The following CLASP1 variants were observed in gnomAD, a reference collection of about 807,000 sequenced individuals.
The protein encoded by CLASP1 is cytoplasmic linker associated protein 1, also known as CLIP-associating protein 1.
A neutral mutation model predicts 192.3 loss-of-function variants in CLASP1; 38 were observed. The ratio of observed to expected loss-of-function variants is 0.20; its 90% CI spans 0.15 to 0.26. The LOEUF (loss-of-function observed/expected upper bound fraction) is 0.26, where lower values mean the gene tolerates loss of function less well. Among genes scored for constraint, CLASP1 ranks in the 10% least tolerant of loss-of-function variants. The probability of loss-of-function intolerance (pLI) is 1.00; values close to 1 mark genes in which losing one functional copy is unlikely to be tolerated. For missense variants in CLASP1, 1,433 were observed against 1,932.5 expected (o/e 0.74, Z 4.85); for synonymous variants, 691 against 712.8 (o/e 0.97, Z 0.49).
chr2:121,540,522 T>C (rs1052637151), intron 2 of CLASP1, among the ~76,000 whole-genome samples: 2 of 151,912 alleles, frequency 1.3e-5, no homozygotes, highest in East Asian at 1.9e-4. Context: ...GGCATGGTGG[T>C]TCACACCTGT....
In CLASP1 at chr2:121,375,325, A is replaced by G. The variant is rs572261794; in HGVS notation, c.3642+2174T>C. ...ATACAACCTGTGGAACTGTGAGTCA[A>G]CTAAACCTCTTTTCTTATAAATTAC... On this transcript the variant is annotated intron_variant, in intron 34 of 39. Coordinates refer to ENST00000263710, the Ensembl canonical transcript of CLASP1. 1.8e-4 allele frequency among the ~76,000 whole-genome samples: 27 copies of G among 151,428 alleles called. 1 individual carries two copies. Among genetic ancestry groups the G allele is most frequent in the African/African-American group, 6.3e-4 (26 of 41,198 alleles).
intron 1 of CLASP1, among the ~76,000 whole-genome samples, chr2:121,619,673 T>C (rs892442006): frequency 9.2e-5 from 14 of 152,224 alleles, no homozygotes; most frequent in African/African-American, 3.1e-4. Context: ...ATAAAGTAAA[T>C]TTTAAAAATC....
At position 121,588,374 on chromosome 2, in the gene CLASP1, A is replaced by G. The variant is rs78176542; in HGVS notation, c.195+17327T>C. ...ACATTTATACAGAAAAAATGGCAAC[A>G]TGCCCATAAAAATACTAGTATTTTG... On this transcript the variant is annotated intron_variant, in intron 2 of 39. Coordinates refer to ENST00000263710, the Ensembl canonical transcript of CLASP1. 5.9e-3 allele frequency among the ~76,000 whole-genome samples: 901 copies of G among 152,296 alleles called. 2 individuals carry two copies. Among genetic ancestry groups the G allele is most frequent in the South Asian group, 0.015 (72 of 4,830 alleles).
At chr2:121,619,803 TA>T (rs2067029203) in intron 1 of CLASP1, among the ~76,000 whole-genome samples, 1 of 152,252 alleles carries the variant, frequency 6.6e-6, no homozygotes, top group Non-Finnish European at 1.5e-5. Context: ...AAATTGCTTC[TA>T]TTTTTTTCTA....
At chr2:121,358,907 A>G (rs960764781) in intron 37 of CLASP1, among the ~76,000 whole-genome samples, 3 of 152,244 alleles carry the variant, frequency 2.0e-5, no homozygotes, top group East Asian at 1.9e-4. Context: ...AATGATGCTA[A>G]TATTTTCCTC....
chr2:121,647,223 C>T (rs542741744), intron 1 of CLASP1, among the ~76,000 whole-genome samples: 2 of 152,024 alleles, frequency 1.3e-5, no homozygotes, highest in South Asian at 4.2e-4. Context: ...CAAAAATTAG[C>T]TGGGCATGGT....
chr2:121,521,517 A>G (rs754686882), intron 6 of CLASP1, among the ~76,000 whole-genome samples: 1 of 152,112 alleles, frequency 6.6e-6, no homozygotes. Context: ...GAAACTTCCT[A>G]CGTCATGCAG....
At chr2:121,631,737 C>A (rs1168741767) in intron 1 of CLASP1, among the ~76,000 whole-genome samples, 3 of 151,562 alleles carry the variant, frequency 2.0e-5, no homozygotes, top group Admixed American at 1.3e-4. Context: ...ATAGTGAGAC[C>A]CCATCTCTAC....
At chr2:121,361,814 G>A (rs993353209) in intron 37 of CLASP1, among the ~76,000 whole-genome samples, 11 of 152,204 alleles carry the variant, frequency 7.2e-5, no homozygotes, top group African/African-American at 2.7e-4. Context: ...TTGTTCAAAT[G>A]TGAGTTATTA....
At chr2:121,499,167 A>G (rs932799013) in intron 8 of CLASP1, among the ~76,000 whole-genome samples, 1 of 152,370 alleles carries the variant, frequency 6.6e-6, no homozygotes, top group East Asian at 1.9e-4. Flanking sequence ...AAAGTGGAAC[A>G]ACCCCAAACG....
intron 33 of CLASP1, among the ~76,000 whole-genome samples, chr2:121,379,501 T>C (rs1339956127): frequency 6.6e-6 from 1 of 152,234 alleles, no homozygotes; most frequent in Non-Finnish European, 1.5e-5. Flanking sequence ...AAGGCATTTA[T>C]ACATCTGGCC....
chr2:121,360,601 GAA>G (rs61023548), intron 37 of CLASP1, among the ~76,000 whole-genome samples: 34 of 103,480 alleles, frequency 3.3e-4, no homozygotes, highest in East Asian at 1.7e-3. Context: ...CAAGGGAAAA[GAA>G]AAAAAAAAAA....
intron 1 of CLASP1, among the ~76,000 whole-genome samples, chr2:121,631,978 C>T (rs1220892371): frequency 6.6e-6 from 1 of 151,968 alleles, no homozygotes; most frequent in African/African-American, 2.4e-5. Context: ...ACCCAGGAGG[C>T]GGAGGCTGTA....
intron 14 of CLASP1, among the ~76,000 whole-genome samples, chr2:121,452,496 A>G (rs2085695392): frequency 6.6e-6 from 1 of 151,962 alleles, no homozygotes; most frequent in Non-Finnish European, 1.5e-5. Context: ...CCTCTACAAA[A>G]TTTTCTTTTT....
chr2:121,461,463 A>C (rs953289047), intron 10 of CLASP1, among the ~76,000 whole-genome samples: 1 of 152,188 alleles, frequency 6.6e-6, no homozygotes, highest in African/African-American at 2.4e-5. Flanking sequence ...GTACAAAGAG[A>C]AACAAGGCTA....
intron 26 of CLASP1, chr2:121,402,779 C>G (rs1422868982): frequency 2.4e-6 from 1 of 414,408 alleles, no homozygotes; most frequent in Non-Finnish European, 4.7e-6. Flanking sequence ...GCTTTTACCA[C>G]TACCTTAGAG....
chr2:121,613,927 T>G (rs1162190834), intron 1 of CLASP1, among the ~76,000 whole-genome samples: 1 of 152,196 alleles, frequency 6.6e-6, no homozygotes, highest in African/African-American at 2.4e-5. Flanking sequence ...TTCATGCAGT[T>G]GAGTCATCTG....
intron 19 of CLASP1, among the ~76,000 whole-genome samples, chr2:121,440,652 T>C (rs1484395300): frequency 2.0e-5 from 3 of 152,170 alleles, no homozygotes; most frequent in East Asian, 1.9e-4. Context: ...GATCATGCCA[T>C]TGTACTCTAA....
rs925178813 is a variant in CLASP1 at position 121,517,029 on chromosome 2, G to GA, written c.547-1268dup. ...ACAGAGCAAGACTCTGTCTCAGAAAGAAAAAAAAAATCATTATATCTGCAT... is the reference window on the plus strand; with the variant it reads ...ACAGAGCAAGACTCTGTCTCAGAAAGAAAAAAAAAAATCATTATATCTGCAT... On this transcript the variant is annotated intron_variant, in intron 6 of 39. Transcript: ENST00000263710. Among the ~76,000 whole-genome samples, 661 of 148,326 alleles carry GA rather than the reference G, an allele frequency of 4.5e-3. 3 individuals are homozygous for GA. Among genetic ancestry groups the GA allele is most frequent in the African/African-American group, 0.015 (623 of 40,518 alleles).
Sources: gnomAD v4.1 joint callset for allele counts (sites outside exome capture counted in the v4.1 genomes callset) on GRCh38, gnomAD v4.1.1 for gene constraint, MANE v1.5 for transcripts, NCBI Gene and HGNC (gene_info 2026-07-23, HGNC 2026-07-21) for gene names.